PPA1: variants seen among roughly 807,000 people sequenced by gnomAD.
PPA1 encodes the protein inorganic pyrophosphatase.
Under a neutral mutation model 41.8 loss-of-function variants are expected in PPA1, and 23 were observed. The ratio of observed to expected loss-of-function variants is 0.55; its 90% CI spans 0.40 to 0.78. PPA1 has a LOEUF of 0.78. Among genes scored for constraint, PPA1 ranks in the 30% least tolerant of loss-of-function variants. PPA1 has a pLI of 0.00. For synonymous variants in PPA1, 101 were observed against 116.8 expected (o/e 0.86, Z 0.87); for missense variants, 320 against 361.6 (o/e 0.89, Z 0.93).
At chr10:70,212,576 A>C (rs948573287) in intron 6 of PPA1, among the ~76,000 whole-genome samples, 4 of 152,314 alleles carry the variant, frequency 2.6e-5, no homozygotes, top group Non-Finnish European at 4.4e-5. Context: ...AGAAACCAGA[A>C]ACAGCAACAA....
intron 6 of PPA1, among the ~76,000 whole-genome samples, chr10:70,212,392 T>A (rs1446696109): frequency 6.6e-6 from 1 of 152,222 alleles, no homozygotes; most frequent in Non-Finnish European, 1.5e-5. Flanking sequence ...TGTACAGGAA[T>A]GTTCATGGCA....
chr10:70,220,870 T>A, intron 2 of PPA1, among the ~76,000 whole-genome samples: 1 of 45,630 alleles, frequency 2.2e-5, no homozygotes, highest in African/African-American at 9.3e-5. Flanking sequence ...CTTATATATA[T>A]AATATATACT....
At position 70,213,601 on chromosome 10, in the gene PPA1, T is replaced by C. The variant is rs894837002; in HGVS notation, c.385-12A>G. The C allele has an allele frequency of 9.9e-6, 16 of 1,613,048 alleles. No homozygotes were observed. The highest frequency in any genetic ancestry group is 4.5e-5 in the East Asian group (2 of 44,854). ...CCTCTTGCACATACCTGAGAGTCAATAGCCAAAGTCAGGACAACATTACAG... is the reference window on the plus strand; with the variant it reads ...CCTCTTGCACATACCTGAGAGTCAACAGCCAAAGTCAGGACAACATTACAG... On this transcript the variant is annotated splice_polypyrimidine_tract_variant and intron_variant, in intron 5 of 10. Coordinates refer to ENST00000373232, the MANE Select transcript of PPA1 (RefSeq NM_021129.4).
At chr10:70,228,370 G>A (rs1312176112) in intron 2 of PPA1, among the ~76,000 whole-genome samples, 3 of 152,116 alleles carry the variant, frequency 2.0e-5, no homozygotes, top group African/African-American at 4.8e-5. Context: ...CAGTCACTTA[G>A]AACACTGGGA....
chr10:70,220,654 TATATTATATATAATTTATATATATATAA>T (rs1840136735), intron 2 of PPA1, among the ~76,000 whole-genome samples: 4 of 4,552 alleles, frequency 8.8e-4, no homozygotes, highest in Admixed American at 5.7e-3. Context: ...AATTTATATA[TATATTATATATAATTTATATATATATAA>T]TATATATAAT....
chr10:70,230,107 C>T (rs904901847), intron 2 of PPA1, among the ~76,000 whole-genome samples: 1 of 152,176 alleles, frequency 6.6e-6, no homozygotes, highest in Non-Finnish European at 1.5e-5. Context: ...CAGGGTTTCA[C>T]CATGTTGCCC....
At chr10:70,206,367 A>T in intron 8 of PPA1, 34 bp from the exon 9 acceptor site, 1 of 1,482,602 alleles carries the variant, frequency 6.7e-7, no homozygotes, top group Non-Finnish European at 9.4e-7. Context: ...CATAAGACAA[A>T]ATAACAAAAA....
intron 2 of PPA1, among the ~76,000 whole-genome samples, chr10:70,221,057 T>A (rs1302548798): frequency 8.3e-5 from 2 of 24,040 alleles, no homozygotes; most frequent in Non-Finnish European, 1.2e-4. Context: ...ATATATATAA[T>A]TTATATATAT....
intron 5 of PPA1, 24 bp downstream of exon 5, chr10:70,214,476 G>GA (rs779350467): frequency 4.4e-6 from 7 of 1,590,090 alleles, no homozygotes; most frequent in Non-Finnish European, 5.2e-6. Flanking sequence ...CAACACTAAA[G>GA]AAAAAAATGT....
At chr10:70,203,779 A>G (rs1839906227) in intron 10 of PPA1, 1 of 152,402 alleles carries the variant, frequency 6.6e-6, no homozygotes, top group African/African-American at 2.4e-5. Flanking sequence ...TCTGACATCT[A>G]AGGAGGAGAG....
intron 2 of PPA1, among the ~76,000 whole-genome samples, chr10:70,221,986 T>C (rs2136765803): frequency 6.6e-6 from 1 of 151,556 alleles, no homozygotes; most frequent in East Asian, 1.9e-4. Flanking sequence ...CTTCAGAAAA[T>C]GGTAAGAGAA....
chr10:70,230,245 A>G, intron 2 of PPA1, 96 bp downstream of exon 2: 1 of 1,411,270 alleles, frequency 7.1e-7, no homozygotes, highest in Non-Finnish European at 9.9e-7. Context: ...ACAACGAGGC[A>G]TTTTAAGCAC....
rs151329412 is a variant in PPA1 at position 70,218,614 on chromosome 10, T to C, written c.177+150A>G. 4.8e-4 allele frequency: 302 copies of C among 628,180 alleles called. 2 individuals are homozygous for C. Among genetic ancestry groups the C allele is most frequent in the African/African-American group, 4.1e-3 (222 of 54,258 alleles). The allele number at this position is 628,180 out of a possible 1,614,324, so 38.9% of individuals were successfully genotyped here. A position where few individuals can be genotyped will look rare whatever the true frequency, so the allele number is the denominator to read the frequency against. Reference sequence around the variant, plus strand: ...TTTAGCTGGAGCCCAAAGGGAAGACTAGTAGGCAATGGGAGATACAACTAG... The same window carrying C: ...TTTAGCTGGAGCCCAAAGGGAAGACCAGTAGGCAATGGGAGATACAACTAG... On this transcript the variant is annotated intron_variant, in intron 3 of 10. Coordinates refer to ENST00000373232, the MANE Select transcript of PPA1 (RefSeq NM_021129.4).
At chr10:70,221,347 C>A (rs1840166867) in intron 2 of PPA1, among the ~76,000 whole-genome samples, 1 of 151,450 alleles carries the variant, frequency 6.6e-6, no homozygotes, top group African/African-American at 2.4e-5. Flanking sequence ...ATTTTAAGTT[C>A]CTGCTGAAAC....
chr10:70,215,743 A>C (rs1027580129), intron 4 of PPA1, among the ~76,000 whole-genome samples: 43 of 152,164 alleles, frequency 2.8e-4, no homozygotes, highest in African/African-American at 9.7e-4. Context: ...GCCCTCCCAA[A>C]GTGCTGGGAT....
At position 70,220,658 on chromosome 10, in the gene PPA1, T is replaced by TAA. The variant is rs1336075317; in HGVS notation, c.124-1842_124-1841insTT. Among the ~76,000 whole-genome samples, 12 of 1,338 alleles carry TAA rather than the reference T, an allele frequency of 9.0e-3. 3 individuals are homozygous for TAA. Among genetic ancestry groups the TAA allele is most frequent in the African/African-American group, 9.0e-3 (3 of 332 alleles). The allele number at this position is 1,338 out of a possible 152,430, so 0.9% of individuals were successfully genotyped here. Reference sequence around the variant, plus strand: ...ATAATATATATAATTTATATATATATTATATATAATTTATATATATATAAT... The same window carrying TAA: ...ATAATATATATAATTTATATATATATAATATATATAATTTATATATATATAAT... On this transcript the variant is annotated intron_variant, in intron 2 of 10. Coordinates refer to ENST00000373232, the MANE Select transcript of PPA1 (RefSeq NM_021129.4).
chr10:70,211,621 C>A (rs957593521), intron 6 of PPA1, among the ~76,000 whole-genome samples: 3 of 152,260 alleles, frequency 2.0e-5, no homozygotes, highest in African/African-American at 7.2e-5. Context: ...CTTAGGTTGA[C>A]ATTAGGGAAA....
At chr10:70,205,063 G>T in intron 9 of PPA1, 148 bp from the exon 10 acceptor site, 1 of 606,328 alleles carries the variant, frequency 1.6e-6, no homozygotes, top group Non-Finnish European at 2.9e-6. Flanking sequence ...ACAATAGAAG[G>T]TTTGCTCTAC....
At position 70,230,547 on chromosome 10, in the gene PPA1, T is replaced by C. The variant is rs1005897559; in HGVS notation, c.65-148A>G. Reference sequence around the variant, plus strand: ...TGTGATCTTGGCTCACTGCCACTTCTGTTTCCCTCTTGAAGGCTCAAGTGA... The same window carrying C: ...TGTGATCTTGGCTCACTGCCACTTCCGTTTCCCTCTTGAAGGCTCAAGTGA... On this transcript the variant is annotated intron_variant, in intron 1 of 10. Coordinates refer to ENST00000373232, the MANE Select transcript of PPA1 (RefSeq NM_021129.4). The C allele has an allele frequency of 8.9e-6, 7 of 786,752 alleles. No homozygotes were observed. The African/African-American group carries it at 1.1e-4, about 12-fold the overall frequency. 48.7% of individuals were successfully genotyped at this position (786,752 alleles called of 1,614,324 possible).
Sources: allele counts gnomAD v4.1 joint callset (sites outside exome capture counted in the v4.1 genomes callset), GRCh38; gene constraint gnomAD v4.1.1; transcripts MANE v1.5; gene names NCBI Gene and HGNC (gene_info 2026-07-23, HGNC 2026-07-21).